Variants in SPON1 observed in about 807,000 individuals in gnomAD.
SPON1 encodes spondin 1.
A neutral mutation model predicts 111.7 loss-of-function variants in SPON1; 52 were observed. The observed-to-expected ratio is 0.47, with a 90% CI of 0.37 to 0.59. SPON1 has a LOEUF of 0.59. Among genes scored for constraint, SPON1 ranks in the 20% least tolerant of loss-of-function variants. The pLI is 0.00. For synonymous variants in SPON1, 410 were observed against 395.8 expected, an observed-to-expected ratio of 1.04 and a Z score of -0.43; for missense variants, 957 against 1,068.5, an observed-to-expected ratio of 0.90 and a Z score of 1.46.
At chr11:14,016,600 T>C (rs782702708) in intron 2 of SPON1, among the ~76,000 whole-genome samples, 3 of 152,204 alleles carry the variant, frequency 2.0e-5, no homozygotes, top group Non-Finnish European at 4.4e-5. Context: ...TTTTCTGTTA[T>C]ATTTTTATAC....
chr11:14,204,589 C>A (rs1226559371), intron 6 of SPON1, among the ~76,000 whole-genome samples: 1 of 151,074 alleles, frequency 6.6e-6, no homozygotes, highest in Non-Finnish European at 1.5e-5. Context: ...TGCCCAGCTC[C>A]AAGTAAGATT....
intron 6 of SPON1, among the ~76,000 whole-genome samples, chr11:14,144,459 G>T (rs1202145399): frequency 6.6e-6 from 1 of 151,772 alleles, no homozygotes; most frequent in Non-Finnish European, 1.5e-5. Context: ...GTGAAACCCT[G>T]TCTCTACTAA....
intron 5 of SPON1, among the ~76,000 whole-genome samples, chr11:14,094,997 G>A (rs1554923743): frequency 6.6e-6 from 1 of 152,204 alleles, no homozygotes; most frequent in Non-Finnish European, 1.5e-5. Flanking sequence ...GGAGGAGTAA[G>A]AGAGAGAAAC....
chr11:14,135,312 T>A lies in SPON1; in HGVS notation c.677-108T>A. On this transcript the variant is annotated intron_variant, in intron 5 of 15. Transcript: ENST00000576479. The surrounding 1 kb of genome is among the most constrained non-coding windows in gnomAD (Gnocchi z 4.4). ...GGCCTAAGACAGAATAGGTGCTTAG[T>A]CAGTGCTCTTTGAATCGATGTCCAA... The A allele has an allele frequency of 7.9e-7, 1 of 1,258,942 alleles. No individual in the cohort carries two copies. Among genetic ancestry groups the A allele is most frequent in the Non-Finnish European group, 1.1e-6 (1 of 895,910 alleles). 78.0% of individuals were successfully genotyped at this position (1,258,942 alleles called of 1,614,324 possible).
At chr11:14,138,190 C>T (rs529405142) in intron 6 of SPON1, among the ~76,000 whole-genome samples, 3 of 152,078 alleles carry the variant, frequency 2.0e-5, no homozygotes, top group Non-Finnish European at 4.4e-5. Flanking sequence ...TCAAGAAAGA[C>T]ATTTATATGC....
chr11:13,998,923 G>T (rs1196378019), intron 2 of SPON1, among the ~76,000 whole-genome samples: 2 of 152,228 alleles, frequency 1.3e-5, no homozygotes, highest in East Asian at 3.9e-4. Flanking sequence ...ACTTTTTCAT[G>T]TATCTATTAA....
chr11:14,037,589 G>T (rs1848604101), intron 2 of SPON1, among the ~76,000 whole-genome samples: 1 of 148,832 alleles, frequency 6.7e-6, no homozygotes, highest in Admixed American at 6.7e-5. Context: ...ACTCAAAATG[G>T]ATTACAGACC....
At chr11:14,064,506 A>T (rs375952065) in intron 3 of SPON1, among the ~76,000 whole-genome samples, 1 of 152,206 alleles carries the variant, frequency 6.6e-6, no homozygotes. Flanking sequence ...GTACTTGGGG[A>T]GGGGGGTATC....
intron 6 of SPON1, among the ~76,000 whole-genome samples, chr11:14,154,520 AGTGGGACCCTGT>A (rs1176305025): frequency 6.6e-6 from 1 of 152,226 alleles, no homozygotes; most frequent in Non-Finnish European, 1.5e-5. Context: ...TGCACAAGGC[AGTGGGACCCTGT>A]GCCTGGCCCA....
chr11:14,027,460 A>C (rs1308389382), intron 2 of SPON1, among the ~76,000 whole-genome samples: 1 of 152,246 alleles, frequency 6.6e-6, no homozygotes, highest in African/African-American at 2.4e-5. Flanking sequence ...CCTTCTCAGG[A>C]CTGTCAGGGA....
At chr11:13,963,951 C>T (rs1052476470) in intron 1 of SPON1, among the ~76,000 whole-genome samples, 3 of 152,300 alleles carry the variant, frequency 2.0e-5, no homozygotes, top group Non-Finnish European at 2.9e-5. Flanking sequence ...TCCGGCAGCT[C>T]GGAGTCTCCA....
At chr11:14,230,534 G>T (rs1848787085) in intron 6 of SPON1, among the ~76,000 whole-genome samples, 1 of 152,120 alleles carries the variant, frequency 6.6e-6, no homozygotes, top group African/African-American at 2.4e-5. Flanking sequence ...GCTATCTTAT[G>T]AATTCTACCC....
At chr11:14,050,508 T>C (rs1376535386) in intron 3 of SPON1, among the ~76,000 whole-genome samples, 3 of 152,218 alleles carry the variant, frequency 2.0e-5, no homozygotes, top group Admixed American at 2.0e-4. Flanking sequence ...TGGCCCTTTA[T>C]AGAAAAAGTT....
At chr11:13,995,457 A>G (rs574189318) in intron 2 of SPON1, among the ~76,000 whole-genome samples, 1 of 152,280 alleles carries the variant, frequency 6.6e-6, no homozygotes, top group East Asian at 1.9e-4. Flanking sequence ...CACCTTCTTC[A>G]TAAGGTGGCT....
intron 3 of SPON1, among the ~76,000 whole-genome samples, chr11:14,049,158 C>T (rs1247722085): frequency 3.3e-5 from 5 of 152,126 alleles, no homozygotes; most frequent in Non-Finnish European, 5.9e-5. Flanking sequence ...CATCTGGGCT[C>T]CCAAGTCTGT....
chr11:14,121,801 A>G (rs1554926528), intron 5 of SPON1, among the ~76,000 whole-genome samples: 1 of 152,146 alleles, frequency 6.6e-6, no homozygotes, highest in Non-Finnish European at 1.5e-5. Context: ...TAATAAATTC[A>G]CACAGCTTTC....
chr11:14,150,631 G>A (rs1359104977), intron 6 of SPON1, among the ~76,000 whole-genome samples: 1 of 151,974 alleles, frequency 6.6e-6, no homozygotes, highest in African/African-American at 2.4e-5. Flanking sequence ...TAGAAAAATG[G>A]GGAACAAAAA....
intron 6 of SPON1, among the ~76,000 whole-genome samples, chr11:14,175,114 C>T (rs994526940): frequency 6.6e-6 from 1 of 152,068 alleles, no homozygotes. Context: ...TTCCAGAAGC[C>T]AACAATTGAA....
intron 5 of SPON1, among the ~76,000 whole-genome samples, chr11:14,126,685 T>G (rs782454067): frequency 6.6e-6 from 1 of 152,180 alleles, no homozygotes; most frequent in Non-Finnish European, 1.5e-5. Flanking sequence ...AGGATAGTGA[T>G]AGTCTGCCGC....
Sources: gnomAD v4.1 joint callset for allele counts (sites outside exome capture counted in the v4.1 genomes callset) on GRCh38, gnomAD v4.1.1 for gene constraint, Gnocchi (gnomAD v3.1) non-coding constraint, MANE v1.5 for transcripts, NCBI Gene and HGNC (gene_info 2026-07-23, HGNC 2026-07-21) for gene names.